Variants in GALNT10 observed in about 807,000 individuals in gnomAD.
The protein encoded by GALNT10 is GalNAc transferase 10.
A neutral mutation model predicts 75.0 loss-of-function variants in GALNT10; 41 were observed. The observed-to-expected ratio is 0.55, with a 90% CI of 0.43 to 0.71. The LOEUF is 0.71. Among genes scored for constraint, GALNT10 ranks in the 30% least tolerant of loss-of-function variants. GALNT10 has a pLI of 0.00. For missense variants in GALNT10, 727 were observed against 818.5 expected (o/e 0.89, Z 1.36); for synonymous variants, 302 against 313.0 (o/e 0.96, Z 0.37).
At chr5:154,236,173 A>G (rs570817663) in intron 1 of GALNT10, among the ~76,000 whole-genome samples, 1 of 151,924 alleles carries the variant, frequency 6.6e-6, no homozygotes, top group East Asian at 1.9e-4. Flanking sequence ...CCAATCTGTC[A>G]CTCCCCAGCT....
intron 1 of GALNT10, among the ~76,000 whole-genome samples, chr5:154,274,747 T>C (rs1274501686): frequency 6.6e-6 from 1 of 152,218 alleles, no homozygotes; most frequent in Non-Finnish European, 1.5e-5. Flanking sequence ...GTTTATCTAA[T>C]GTAATAAACT....
chr5:154,366,313 A>C (rs1755473609), intron 4 of GALNT10, among the ~76,000 whole-genome samples: 1 of 152,232 alleles, frequency 6.6e-6, no homozygotes, highest in Non-Finnish European at 1.5e-5. Flanking sequence ...AGGTTATACT[A>C]CATATTAATT....
chr5:154,279,296 G>GTTTTTTTTTTTTTTTT (rs111488218), intron 1 of GALNT10, among the ~76,000 whole-genome samples: 3 of 83,846 alleles, frequency 3.6e-5, no homozygotes, highest in African/African-American at 6.8e-5. Context: ...TGTTGTTGTT[G>GTTTTTTTTTTTTTTTT]TTGTTTTGTT....
chr5:154,289,805 C>A (rs1264223951), intron 1 of GALNT10, among the ~76,000 whole-genome samples: 1 of 152,194 alleles, frequency 6.6e-6, no homozygotes, highest in Non-Finnish European at 1.5e-5. Flanking sequence ...TCTCCAAGAA[C>A]CACCTTTTGA....
intron 4 of GALNT10, among the ~76,000 whole-genome samples, chr5:154,368,483 A>G (rs976936833): frequency 1.3e-5 from 2 of 152,242 alleles, no homozygotes; most frequent in Non-Finnish European, 2.9e-5. Context: ...AGGAAGGGAA[A>G]AAAAAGAAAT....
At chr5:154,225,092 T>G (rs1237676761) in intron 1 of GALNT10, among the ~76,000 whole-genome samples, 1 of 150,338 alleles carries the variant, frequency 6.7e-6, no homozygotes, top group African/African-American at 2.5e-5. Flanking sequence ...TTTTTGGGGT[T>G]TTTTTGTTTG....
chr5:154,348,052 T>C (rs1287612331), intron 4 of GALNT10, among the ~76,000 whole-genome samples: 1 of 152,248 alleles, frequency 6.6e-6, no homozygotes, highest in Non-Finnish European at 1.5e-5. Flanking sequence ...TTGTTCTGAA[T>C]ACCTGTTCCT....
At chr5:154,218,863 C>G (rs1214534720) in intron 1 of GALNT10, among the ~76,000 whole-genome samples, 1 of 152,108 alleles carries the variant, frequency 6.6e-6, no homozygotes, top group African/African-American at 2.4e-5. Flanking sequence ...CAGTGCTGTT[C>G]GCCACACTGG....
At chr5:154,250,159 G>A (rs1753492018) in intron 1 of GALNT10, among the ~76,000 whole-genome samples, 1 of 152,224 alleles carries the variant, frequency 6.6e-6, no homozygotes, top group African/African-American at 2.4e-5. Flanking sequence ...TAAACTGGCT[G>A]CTGCAGCCCC....
chr5:154,362,970 C>T (rs376210780), intron 4 of GALNT10, among the ~76,000 whole-genome samples: 59 of 152,190 alleles, frequency 3.9e-4, no homozygotes, highest in Non-Finnish European at 7.6e-4. Flanking sequence ...ACCTACCAAC[C>T]GTCCACTTGG....
chr5:154,409,487 C>A lies in GALNT10; in HGVS notation c.1165-54C>A. On this transcript the variant is annotated intron_variant, in intron 8 of 11. Transcript: ENST00000297107. This position sits in a 1 kb window ranked among gnomAD's most constrained non-coding sequence, Gnocchi z 4.5. ...TGCCAGGACCCTTTTCACCCCACTG[C>A]CTGGCTTTGGCTTCTTGGAAAGACT... 1.7e-6 allele frequency: 2 copies of A among 1,192,884 alleles called. No individual in the cohort carries two copies. Among genetic ancestry groups the A allele is most frequent in the Non-Finnish European group, 2.5e-6 (2 of 794,960 alleles). 73.9% of individuals were successfully genotyped at this position (1,192,884 alleles called of 1,614,324 possible).
chr5:154,347,512 A>G (rs761130325), intron 4 of GALNT10, among the ~76,000 whole-genome samples: 13 of 151,836 alleles, frequency 8.6e-5, no homozygotes, highest in Admixed American at 2.0e-4. Context: ...ATAGGCATGC[A>G]CCACCACACC....
chr5:154,317,621 G>A (rs1327542847), intron 3 of GALNT10, among the ~76,000 whole-genome samples: 5 of 152,154 alleles, frequency 3.3e-5, no homozygotes, highest in Non-Finnish European at 4.4e-5. Context: ...CTGGGCAACA[G>A]TTGTGCCTCT....
chr5:154,405,394 G>C (rs947009529), intron 8 of GALNT10, among the ~76,000 whole-genome samples: 3 of 152,210 alleles, frequency 2.0e-5, no homozygotes, highest in Non-Finnish European at 4.4e-5. Flanking sequence ...TCCAGTGGTA[G>C]CAGAGCCTAA....
intron 1 of GALNT10, among the ~76,000 whole-genome samples, chr5:154,210,521 C>T (rs1276797279): frequency 5.9e-5 from 9 of 152,190 alleles, no homozygotes; most frequent in Non-Finnish European, 1.5e-5. Context: ...CCCACTCAGG[C>T]ATTAAAGCAT....
At chr5:154,288,733 G>A (rs1754149070) in intron 1 of GALNT10, among the ~76,000 whole-genome samples, 1 of 152,158 alleles carries the variant, frequency 6.6e-6, no homozygotes, top group Non-Finnish European at 1.5e-5. Context: ...AAATCTTTGA[G>A]CTTACAGAAT....
At chr5:154,362,521 G>T (rs1050832382) in intron 4 of GALNT10, among the ~76,000 whole-genome samples, 1 of 152,188 alleles carries the variant, frequency 6.6e-6, no homozygotes, top group East Asian at 1.9e-4. Flanking sequence ...GTCTCTCTAC[G>T]CTAATTACTA....
At chr5:154,296,293 G>A (rs527450393) in intron 2 of GALNT10, among the ~76,000 whole-genome samples, 266 of 152,106 alleles carry the variant, frequency 1.7e-3, no homozygotes, top group African/African-American at 6.0e-3. Context: ...TTGGGGTTTC[G>A]CTATGTTGGC....
At chr5:154,284,865 T>C (rs546939004) in intron 1 of GALNT10, among the ~76,000 whole-genome samples, 52 of 152,232 alleles carry the variant, frequency 3.4e-4, no homozygotes, top group Non-Finnish European at 6.5e-4. Context: ...CGCTTTCATA[T>C]CGATTTTCTC....
Sources: gnomAD v4.1 joint callset for allele counts (sites outside exome capture counted in the v4.1 genomes callset) on GRCh38, gnomAD v4.1.1 for gene constraint, Gnocchi (gnomAD v3.1) non-coding constraint, MANE v1.5 for transcripts, NCBI Gene and HGNC (gene_info 2026-07-23, HGNC 2026-07-21) for gene names.